B3GALT1: variants seen among roughly 807,000 people sequenced by gnomAD.
B3GALT1 encodes beta-1,3-galactosyltransferase 1, also known as UDP-Gal:betaGlcNAc beta 1,3-galactosyltransferase, polypeptide 1.
A neutral mutation model predicts 23.2 loss-of-function variants in B3GALT1; 10 were observed. The observed-to-expected ratio is 0.43, with a 90% CI of 0.27 to 0.73. B3GALT1 has a LOEUF of 0.73. B3GALT1 is among the 30% of genes least tolerant of loss of function. The pLI is 0.21. For missense variants in B3GALT1, 299 were observed against 405.4 expected (o/e 0.74, Z 2.25); for synonymous variants, 156 against 141.5 (o/e 1.10, Z -0.73).
chr2:167,714,207 G>A (rs1375493589), intron 3 of B3GALT1: 3 of 1,508,070 alleles, frequency 2.0e-6, no homozygotes. Context: ...TCCCTTTGTG[G>A]AGGAAGAGCT....
At chr2:167,590,163 A>G (rs1001155536) in intron 2 of B3GALT1, among the ~76,000 whole-genome samples, 10 of 151,792 alleles carry the variant, frequency 6.6e-5, no homozygotes, top group African/African-American at 2.2e-4. Flanking sequence ...TGGCTAACAC[A>G]GTGAAACCCC....
chr2:167,637,190 C>T (rs78734192), intron 2 of B3GALT1, among the ~76,000 whole-genome samples: 7,142 of 151,924 alleles, frequency 0.047, 318 homozygotes, highest in African/African-American at 0.097. Flanking sequence ...GCTTTCACTT[C>T]GACTTTGTGG....
intron 1 of B3GALT1, among the ~76,000 whole-genome samples, chr2:167,370,734 A>G (rs151107861): frequency 5.7e-4 from 87 of 152,196 alleles, no homozygotes; most frequent in African/African-American, 2.0e-3. Flanking sequence ...AGACCTGTCT[A>G]GGCAACATAG....
intron 3 of B3GALT1, among the ~76,000 whole-genome samples, chr2:167,698,280 T>C (rs955325497): frequency 2.6e-5 from 4 of 152,234 alleles, no homozygotes; most frequent in African/African-American, 9.6e-5. Flanking sequence ...CATTAAGCCA[T>C]ACTTTCAGGT....
chr2:167,673,314 C>T (rs766816298), intron 3 of B3GALT1, among the ~76,000 whole-genome samples: 1 of 151,790 alleles, frequency 6.6e-6, no homozygotes, highest in African/African-American at 2.4e-5. Flanking sequence ...TGTTAATGTG[C>T]AGAATAAAAA....
chr2:167,614,082 A>C (rs1157288015), intron 2 of B3GALT1, among the ~76,000 whole-genome samples: 2 of 151,836 alleles, frequency 1.3e-5, no homozygotes, highest in African/African-American at 4.8e-5. Flanking sequence ...AAATGTATAC[A>C]TATTGGGAAA....
chr2:167,546,621 A>G (rs189437889), intron 2 of B3GALT1, among the ~76,000 whole-genome samples: 2 of 152,228 alleles, frequency 1.3e-5, no homozygotes. Context: ...TCACTACACA[A>G]AGGGAATTGA....
At chr2:167,598,254 TTGTG>T (rs1238199925) in intron 2 of B3GALT1, among the ~76,000 whole-genome samples, 1 of 151,894 alleles carries the variant, frequency 6.6e-6, no homozygotes, top group African/African-American at 2.4e-5. Context: ...TCAATTCTGA[TTGTG>T]TGTGTGTGTG....
At chr2:167,655,666 G>A (rs1685944141) in intron 3 of B3GALT1, among the ~76,000 whole-genome samples, 1 of 152,060 alleles carries the variant, frequency 6.6e-6, no homozygotes, top group Non-Finnish European at 1.5e-5. Flanking sequence ...TATCTGTGTG[G>A]TACAGATGGG....
intron 2 of B3GALT1, among the ~76,000 whole-genome samples, chr2:167,568,453 C>T (rs970689581): frequency 6.6e-6 from 1 of 152,036 alleles, no homozygotes; most frequent in African/African-American, 2.4e-5. Flanking sequence ...GTAGTGGTCT[C>T]TCACTGGTTA....
At chr2:167,588,838 CTTCCTTCT>C (rs1423741428) in intron 2 of B3GALT1, among the ~76,000 whole-genome samples, 6 of 125,454 alleles carry the variant, frequency 4.8e-5, no homozygotes, top group African/African-American at 1.8e-4. Flanking sequence ...TCCTTCCTTC[CTTCCTTCT>C]TTCCTTCCTT....
chr2:167,685,234 T>C (rs925266812), intron 3 of B3GALT1, among the ~76,000 whole-genome samples: 3 of 152,168 alleles, frequency 2.0e-5, no homozygotes, highest in African/African-American at 7.2e-5. Context: ...ACACAGCACT[T>C]GGCATGGTTC....
At position 167,784,307 on chromosome 2, in the gene B3GALT1, G is replaced by A. The variant is rs1164767268; in HGVS notation, c.-351-34365G>A. 6.6e-5 allele frequency among the ~76,000 whole-genome samples: 10 copies of A among 152,244 alleles called. 1 individual carries two copies. The highest frequency in any genetic ancestry group is 2.4e-4 in the African/African-American group (10 of 41,540). On this transcript the variant is annotated intron_variant, in intron 3 of 4. Coordinates refer to ENST00000392690, the MANE Select transcript of B3GALT1 (RefSeq NM_020981.4). ...ACCATGCTTGGCTGCTGAAGATGCT[G>A]TCCACAGACCATTGTTTTTGTAGAG...
intron 2 of B3GALT1, among the ~76,000 whole-genome samples, chr2:167,625,598 A>T (rs1685326670): frequency 6.6e-6 from 1 of 151,754 alleles, no homozygotes; most frequent in Non-Finnish European, 1.5e-5. Flanking sequence ...CAGAAGGGAA[A>T]ATCCGCTAAT....
intron 4 of B3GALT1, among the ~76,000 whole-genome samples, chr2:167,857,395 C>G (rs1245442585): frequency 6.6e-6 from 1 of 152,044 alleles, no homozygotes; most frequent in East Asian, 1.9e-4. Context: ...TGTGAGTAGA[C>G]TGTGGCAAAG....
At chr2:167,355,756 A>G (rs1279014972) in intron 1 of B3GALT1, among the ~76,000 whole-genome samples, 4 of 152,168 alleles carry the variant, frequency 2.6e-5, no homozygotes, top group African/African-American at 7.2e-5. Context: ...AATTTTCACA[A>G]CCACTAAGTT....
chr2:167,379,708 C>T (rs375666294), intron 1 of B3GALT1, among the ~76,000 whole-genome samples: 1 of 152,328 alleles, frequency 6.6e-6, no homozygotes, highest in Admixed American at 6.5e-5. Flanking sequence ...GCTCCCTGCT[C>T]AGTCCCAAGA....
At chr2:167,789,605 G>A (rs916435140) in intron 3 of B3GALT1, among the ~76,000 whole-genome samples, 2 of 149,610 alleles carry the variant, frequency 1.3e-5, no homozygotes, top group African/African-American at 5.0e-5. Flanking sequence ...GCAAACTGCT[G>A]TGTTCATTAT....
At chr2:167,783,474 C>G (rs1688282764) in intron 3 of B3GALT1, among the ~76,000 whole-genome samples, 1 of 152,046 alleles carries the variant, frequency 6.6e-6, no homozygotes, top group Non-Finnish European at 1.5e-5. Context: ...GTGATGCTCC[C>G]ACCAGTAGAG....
Sources: gnomAD v4.1 joint callset for allele counts (sites outside exome capture counted in the v4.1 genomes callset) on GRCh38, gnomAD v4.1.1 for gene constraint, MANE v1.5 for transcripts, NCBI Gene and HGNC (gene_info 2026-07-23, HGNC 2026-07-21) for gene names.